Variants in ATG4A observed in about 807,000 individuals in gnomAD.
ATG4A encodes the protein autophagy related 4A cysteine peptidase.
Under a neutral mutation model 38.4 loss-of-function variants are expected in ATG4A, and 22 were observed. That is an observed-to-expected ratio of 0.57 (90% CI 0.41 to 0.82). The LOEUF is 0.82. ATG4A is among the 40% of genes least tolerant of loss of function. ATG4A has a pLI of 0.00. For synonymous variants in ATG4A, 86 were observed against 100.7 expected, an observed-to-expected ratio of 0.85 and a Z score of 0.88; for missense variants, 220 against 290.0, an observed-to-expected ratio of 0.76 and a Z score of 1.75.
intron 11 of ATG4A, 129 bp from the exon 12 acceptor site, chrX:108,152,850 A>G (rs2033622383): frequency 4.3e-6 from 2 of 469,357 alleles, no homozygotes; most frequent in Admixed American, 3.2e-5. Flanking sequence ...TAGAGGATGC[A>G]TGTATTTTCT....
At position 108,123,617 on chromosome X, in the gene ATG4A, C is replaced by A. The variant is rs180965459; in HGVS notation, c.11-2460C>A. Among the ~76,000 whole-genome samples the A allele has an allele frequency of 4.4e-3, 495 of 112,073 alleles. 3 individuals are homozygous for A. The highest frequency in any genetic ancestry group is 6.6e-3 in the Non-Finnish European group (352 of 53,225). On this transcript the variant is annotated intron_variant, in intron 1 of 12. Transcript: ENST00000372232. ...CGATTCAAGGATGGCTGTGGCCTCA[C>A]ATACTGCATTCGGGGTGTCTATCTT...
intron 1 of ATG4A, among the ~76,000 whole-genome samples, chrX:108,120,739 C>G (rs531194201): frequency 4.2e-4 from 47 of 111,969 alleles, no homozygotes; most frequent in African/African-American, 1.5e-3. Flanking sequence ...ACAATTGTCC[C>G]TTGCTAACCA....
At chrX:108,111,193 G>A (rs1316287598) in intron 1 of ATG4A, among the ~76,000 whole-genome samples, 2 of 112,094 alleles carry the variant, frequency 1.8e-5, no homozygotes, top group Non-Finnish European at 3.8e-5. Context: ...GAGCCATCAT[G>A]CCTGGCTCTC....
At chrX:108,126,871 GC>G (rs1266246621) in intron 2 of ATG4A, 8 of 709,015 alleles carry the variant, frequency 1.1e-5, no homozygotes, top group Non-Finnish European at 5.9e-6. Context: ...GAAAGAGGCA[GC>G]TCTGAGATTT....
intron 9 of ATG4A, among the ~76,000 whole-genome samples, chrX:108,140,622 A>T (rs988853921): frequency 1.9e-5 from 2 of 104,519 alleles, no homozygotes; most frequent in African/African-American, 3.4e-5. Context: ...TATATATATA[A>T]AATGTATTAC....
At chrX:108,111,883 C>T (rs975635008) in intron 1 of ATG4A, among the ~76,000 whole-genome samples, 5 of 111,794 alleles carry the variant, frequency 4.5e-5, no homozygotes, top group African/African-American at 1.6e-4. Context: ...TGCTTTGTTG[C>T]TCAGACTGGT....
At chrX:108,107,938 C>T (rs2032229148) in intron 1 of ATG4A, among the ~76,000 whole-genome samples, 1 of 111,071 alleles carries the variant, frequency 9.0e-6, no homozygotes, top group Non-Finnish European at 1.9e-5. Context: ...ATTTCTGAAA[C>T]CACCTCAGGG....
chrX:108,095,981 A>G (rs1344973594), intron 1 of ATG4A, among the ~76,000 whole-genome samples: 1 of 112,193 alleles, frequency 8.9e-6, no homozygotes, highest in East Asian at 2.8e-4. Context: ...AAATGCTGGG[A>G]TTATAGGCGT....
intron 1 of ATG4A, among the ~76,000 whole-genome samples, chrX:108,115,323 A>G (rs1185528217): frequency 9.0e-6 from 1 of 111,199 alleles, no homozygotes; most frequent in Non-Finnish European, 1.9e-5. Flanking sequence ...CACAAATTTT[A>G]AGTGCATAGT....
At chrX:108,098,009 C>T (rs1157325168) in intron 1 of ATG4A, among the ~76,000 whole-genome samples, 1 of 111,636 alleles carries the variant, frequency 9.0e-6, no homozygotes, top group African/African-American at 3.3e-5. Flanking sequence ...ATGTGCACAA[C>T]GTGCAGGTTT....
intron 10 of ATG4A, 112 bp downstream of exon 10, chrX:108,150,409 C>G (rs1397885370): frequency 1.0e-6 from 1 of 990,766 alleles, no homozygotes; most frequent in East Asian, 3.1e-5. Flanking sequence ...CTCACTATCC[C>G]CATTAGAGGC....
chrX:108,134,465 C>T lies in ATG4A; in HGVS notation c.467+54C>T. 4 of 1,069,598 alleles carry T rather than the reference C, an allele frequency of 3.7e-6. No homozygotes were observed. In the South Asian group the frequency reaches 6.2e-5, roughly 16 times the overall value. 88.1% of individuals were successfully genotyped at this position (1,069,598 alleles called of 1,213,427 possible). On this transcript the variant is annotated intron_variant, in intron 6 of 12. Coordinates refer to ENST00000372232, the MANE Select transcript of ATG4A (RefSeq NM_052936.5). ...ATTCTGCTGTCTCCTATGCTTCCCT[C>T]CCTAGACAACTAAACCTCCCATCAA...
rs940403789 is a variant in ATG4A at position 108,137,011 on chromosome X, A to G, written c.468-80A>G. On this transcript the variant is annotated intron_variant, in intron 6 of 12. Coordinates refer to ENST00000372232, the MANE Select transcript of ATG4A (RefSeq NM_052936.5). Reference sequence around the variant, plus strand: ...GGCTCAGTGTTTGGTGACTTTAGGAACACTGGGCATAAATTGTACTGTTTT... The same window carrying G: ...GGCTCAGTGTTTGGTGACTTTAGGAGCACTGGGCATAAATTGTACTGTTTT... 9.3e-6 allele frequency: 8 copies of G among 862,606 alleles called. No homozygotes were observed. The African/African-American group carries it at 1.4e-4, about 15-fold the overall frequency. The allele number at this position is 862,606 out of a possible 1,213,427, so 71.1% of individuals were successfully genotyped here.
intron 1 of ATG4A, among the ~76,000 whole-genome samples, chrX:108,124,551 A>G (rs1300947942): frequency 9.1e-6 from 1 of 109,358 alleles, no homozygotes; most frequent in Non-Finnish European, 1.9e-5. Context: ...TCCTGGGTTC[A>G]AGCGACTCTC....
intron 9 of ATG4A, chrX:108,143,812 T>G (rs757394168): frequency 3.8e-4 from 57 of 151,679 alleles, no homozygotes; most frequent in African/African-American, 1.8e-3. Flanking sequence ...ACTCCTTGAT[T>G]CCTGGACCTG....
At chrX:108,109,283 T>C (rs1385091002) in intron 1 of ATG4A, among the ~76,000 whole-genome samples, 1 of 112,724 alleles carries the variant, frequency 8.9e-6, no homozygotes, top group East Asian at 2.8e-4. Context: ...TTTGGCCATT[T>C]GTATATCATC....
intron 1 of ATG4A, among the ~76,000 whole-genome samples, chrX:108,100,940 A>G (rs937849972): frequency 1.8e-5 from 2 of 110,998 alleles, no homozygotes; most frequent in East Asian, 2.8e-4. Flanking sequence ...CTCCTCTTCT[A>G]TTTTCTAGAA....
At chrX:108,090,493 C>A (rs1168874792), upstream of ATG4A, among the ~76,000 whole-genome samples, 3 of 111,524 alleles carry the variant, frequency 2.7e-5, no homozygotes, top group African/African-American at 9.8e-5. Context: ...ATGAAGTAAA[C>A]CAGGTAAAGA....
intron 1 of ATG4A, among the ~76,000 whole-genome samples, chrX:108,125,641 C>T (rs1284892362): frequency 8.9e-6 from 1 of 111,795 alleles, no homozygotes; most frequent in Non-Finnish European, 1.9e-5. Flanking sequence ...TGTCACAGCA[C>T]CTTCCAAGCC....
Sources: allele counts gnomAD v4.1 joint callset (sites outside exome capture counted in the v4.1 genomes callset), GRCh38; gene constraint gnomAD v4.1.1; transcripts MANE v1.5; gene names NCBI Gene and HGNC (gene_info 2026-07-23, HGNC 2026-07-21).